The following TTN variants were observed in gnomAD, a reference collection of about 807,000 sequenced individuals.
TTN encodes the protein connectin.
A neutral mutation model predicts 3,223.0 loss-of-function variants in TTN; 1,525 were observed. The ratio of observed to expected loss-of-function variants is 0.47; its 90% CI spans 0.45 to 0.49. The LOEUF is 0.49. TTN is among the 20% of genes least tolerant of loss of function. TTN has a pLI of 0.00. For synonymous variants in TTN, 14,094 were observed against 15,161.0 expected (o/e 0.93, Z 5.17); for missense variants, 40,786 against 43,424.0 (o/e 0.94, Z 5.40).
At chr2:178,625,194 C>G in intron 241 of TTN, 79 bp downstream of exon 241, 1 of 1,498,590 alleles carries the variant, frequency 6.7e-7, no homozygotes, top group Non-Finnish European at 9.0e-7. Flanking sequence ...TAGTACTCAT[C>G]ATATAAAGAT....
rs767363142 is a variant in TTN at position 178,580,079 on chromosome 2, G to A, written c.67208C>T (p.Thr22403Ile). 17 of 1,613,320 alleles carry A rather than the reference G, an allele frequency of 1.1e-5. 1 individual carries two copies. In the Admixed American group the frequency reaches 2.7e-4, roughly 25 times the overall value. Residue 22403 changes from threonine to isoleucine, a missense_variant, in exon 318 of 363, where the codon ACA becomes ATA. Thr to Ile is a moderately conservative substitution (Grantham distance 89). Transcript: ENST00000589042. ...KRDAERKSWS[T>I]VTTECSKTSF... ...TGTTTTGGAGCACTCAGTTGTCACT[G>A]TAGACCAGGATTTCCTCTCTGCATC... is the stretch of plus-strand genomic sequence containing the variant.
intron 221 of TTN, 98 bp downstream of exon 221, chr2:178,640,443 A>T: frequency 1.8e-6 from 2 of 1,108,038 alleles, no homozygotes; most frequent in Admixed American, 2.1e-5. Flanking sequence ...TTAACAGATT[A>T]AGGTCATGTG....
Position 178,532,028 on chromosome 2 carries a change from G to A in TTN, c.104587C>T (p.Gln34863Ter). Residue 34863 changes from glutamine to a stop codon, truncating the protein, a stop_gained, in exon 358 of 363, where the codon CAA becomes TAA. Transcript: ENST00000589042. LOFTEE classifies it high-confidence loss of function. ...TCATCTTCGTATTCCTCAGCCGGTT[G>A]TGGACGTGACCGGATCAGCTCAGAC... Reference protein sequence around the residue: ...PVSELIRSRPQPAEEYEDDTE... With the variant: ...PVSELIRSRP 6.2e-7 allele frequency: 1 copy of A among 1,613,928 alleles called. No individual in the cohort carries two copies. Among genetic ancestry groups the A allele is most frequent in the South Asian group, 1.1e-5 (1 of 91,080 alleles).
In TTN at chr2:178,572,831, A is replaced by G. The variant is rs778199323; in HGVS notation, c.73301T>C (p.Leu24434Pro). The G allele has an allele frequency of 6.2e-7, 1 of 1,613,410 alleles. No individual in the cohort carries two copies. Among genetic ancestry groups the G allele is most frequent in the Non-Finnish European group, 8.5e-7 (1 of 1,179,566 alleles). ...LPPEIELDAD[L>P]RKVVTIRACC... ...GGCCCTTATAGTAACAACTTTGCGC[A>G]GGTCAGCATCCAGTTCAATTTCTGG... Residue 24434 changes from leucine to proline, a missense_variant, in exon 326 of 363, where the codon CTG becomes CCG. By Grantham distance (98) the Leu-to-Pro change is moderately conservative (BLOSUM62 -3). Coordinates refer to ENST00000589042, the MANE Select transcript of TTN (RefSeq NM_001267550.2).
Position 178,577,167 on chromosome 2 carries a change from T to C in TTN, c.69168A>G (p.Lys23056=). ...PVEISNVSAE[K]ATLTWTPPLE... ...AGGGAGGTGTCCATGTAAGTGTTGC[T>C]TTTTCAGCAGAAACATTACTGATTT... The change falls in exon 324 of 363, where the codon AAA becomes AAG. Residue 23056 remains lysine, a synonymous_variant. Transcript: ENST00000589042. 6.2e-7 allele frequency: 1 copy of C among 1,612,974 alleles called. No homozygotes were observed. The highest frequency in any genetic ancestry group is 8.5e-7 in the Non-Finnish European group (1 of 1,179,392).
Position 178,649,909 on chromosome 2 carries a change from A to C in TTN, c.39818-15T>G. 1 of 1,597,420 alleles carries C rather than the reference A, an allele frequency of 6.3e-7. No individual in the cohort carries two copies. The highest frequency in any genetic ancestry group is 8.5e-7 in the Non-Finnish European group (1 of 1,175,352). ...CTCTTCAGGCACTTGAATAATAGGA[A>C]TTTCTTTTAGAATTAGGTGATTACA... On this transcript the variant is annotated splice_polypyrimidine_tract_variant and intron_variant, in intron 210 of 362. Transcript: ENST00000589042.
At chr2:178,757,185 G>A (rs899768238) in intron 45 of TTN, among the ~76,000 whole-genome samples, 1 of 152,240 alleles carries the variant, frequency 6.6e-6, no homozygotes, top group African/African-American at 2.4e-5. Flanking sequence ...CTTACTTTAA[G>A]TACAGTAAGT....
rs750316803 is a variant in TTN, at chr2:178,728,200, T to A, written c.19624A>T (p.Asn6542Tyr). Residue 6542 changes from asparagine (N) to tyrosine (Y), a missense_variant, in exon 67 of 363, where the codon AAT becomes TAT. Transcript: ENST00000589042. ...HERSVSLEVN[N>Y]LELEDTANYT... Reference sequence around the variant, plus strand: ...TTTGCAGTATCTTCTAATTCCAGATTATTAACTTCCAGAGACACAGATCTC... The same window carrying A: ...TTTGCAGTATCTTCTAATTCCAGATAATTAACTTCCAGAGACACAGATCTC... 6.2e-7 allele frequency: 1 copy of A among 1,612,852 alleles called. No individual in the cohort carries two copies. The highest frequency in any genetic ancestry group is 2.2e-5 in the East Asian group (1 of 44,780).
At chr2:178,599,096 T>TA (rs748820716) in intron 290 of TTN, 34 bp from the exon 291 acceptor site, 124 of 1,503,778 alleles carry the variant, frequency 8.2e-5, no homozygotes, top group South Asian at 2.4e-4. Context: ...ATAAGAAATT[T>TA]AAAAAAAAAG....
chr2:178,688,256 C>T (rs759585847), intron 126 of TTN, 32 bp from the exon 127 acceptor site: 1 of 1,590,884 alleles, frequency 6.3e-7, no homozygotes, highest in Non-Finnish European at 8.6e-7. Context: ...TTAAATTCAG[C>T]CTGCTGAGAT....
intron 89 of TTN, 25 bp downstream of exon 89, chr2:178,715,468 A>G: frequency 1.3e-6 from 2 of 1,587,296 alleles, no homozygotes; most frequent in African/African-American, 1.4e-5. Flanking sequence ...AATGTGAAAA[A>G]CACACAGGTG....
Position 178,741,789 on chromosome 2 carries a change from T to G in TTN, c.11444A>C (p.Lys3815Thr), listed in dbSNP as rs1184657184. Residue 3815 changes from lysine to threonine, a missense_variant, in exon 48 of 363, where the codon AAG becomes ACG. Physicochemically the swap from Lys to Thr is moderately conservative, Grantham distance 78. Transcript: ENST00000589042. ...PVYPTKFDSEKEGTGPIFIKE... is the reference protein window; with the variant it reads ...PVYPTKFDSETEGTGPIFIKE... ...GATGAAAATTGGGCCAGTGCCTTCC[T>G]TTTCGGAATCAAATTTAGTTGGGTA... The G allele has an allele frequency of 2.5e-6, 4 of 1,613,384 alleles. No individual in the cohort carries two copies. The highest frequency in any genetic ancestry group is 3.4e-6 in the Non-Finnish European group (4 of 1,179,634).
chr2:178,668,039 A>G (rs569044255), intron 159 of TTN, among the ~76,000 whole-genome samples: 1 of 152,294 alleles, frequency 6.6e-6, no homozygotes, highest in Admixed American at 6.5e-5. Context: ...GGATTTGTCT[A>G]TAAAGAACAG....
intron 263 of TTN, 90 bp downstream of exon 263, chr2:178,613,661 A>G: frequency 7.4e-7 from 1 of 1,349,718 alleles, no homozygotes. Flanking sequence ...TTTTAGTAAT[A>G]TATAATCATC....
chr2:178,684,394 T>C lies in TTN; in HGVS notation c.32658A>G (p.Gln10886=). The stretch of plus-strand genomic sequence containing the variant: ...CAAGAACTTTTTCTTCCTGGGTAAT[T>C]TGCATGTGCCTCTCAGTCACTTAAA... ...LPAKVTERHM[Q]ITQEEKVLVA... Residue 10886 remains glutamine, a synonymous_variant, in exon 132 of 363, where the codon CAA becomes CAG. Coordinates refer to ENST00000589042, the MANE Select transcript of TTN (RefSeq NM_001267550.2). The C allele has an allele frequency of 6.2e-7, 1 of 1,613,616 alleles. No individual in the cohort carries two copies. Among genetic ancestry groups the C allele is most frequent in the Admixed American group, 1.7e-5 (1 of 60,008 alleles).
At position 178,566,557 on chromosome 2, in the gene TTN, T is replaced by C. The variant is rs1357948357; in HGVS notation, c.79575A>G (p.Glu26525=). 1 of 1,613,212 alleles carries C rather than the reference T, an allele frequency of 6.2e-7. No individual in the cohort carries two copies. The highest frequency in any genetic ancestry group is 8.5e-7 in the Non-Finnish European group (1 of 1,179,690). Residue 26525 remains glutamate (E), a synonymous_variant, in exon 326 of 363, where the codon GAA becomes GAG. Coordinates refer to ENST00000589042, the MANE Select transcript of TTN (RefSeq NM_001267550.2). ...GGSEILGYVV[E]ICKADEEEWQ... is the part of the protein sequence containing the mutation. ...ATTCTTCTTCATCTGCTTTACAGAT[T>C]TCTACTACATATCCCAAGATCTCAC...
In TTN at chr2:178,599,361, T is replaced by C; in HGVS notation, c.56432A>G (p.Asp18811Gly). 6.2e-7 allele frequency: 1 copy of C among 1,603,364 alleles called. No homozygotes were observed. The highest frequency in any genetic ancestry group is 1.1e-5 in the South Asian group (1 of 88,348). The change falls in exon 290 of 363, where the codon GAT (aspartate) becomes GGT (glycine). Residue 18811 changes from aspartate to glycine, a missense_variant. By Grantham distance (94) the Asp-to-Gly change is moderately conservative. Coordinates refer to ENST00000589042, the MANE Select transcript of TTN (RefSeq NM_001267550.2). ...QMTLSWFPPK[D>G]DGGSKITNYV... ...GTTTGTAATCTTAGACCCACCATCATCTTTAGGTGGAAACCAAGATAGTGT... is the reference window on the plus strand; with the variant it reads ...GTTTGTAATCTTAGACCCACCATCACCTTTAGGTGGAAACCAAGATAGTGT...
At position 178,672,028 on chromosome 2, in the gene TTN, C is replaced by T; in HGVS notation, c.35170G>A (p.Glu11724Lys). 6.2e-7 allele frequency: 1 copy of T among 1,610,586 alleles called. No homozygotes were observed. The highest frequency in any genetic ancestry group is 8.5e-7 in the Non-Finnish European group (1 of 1,178,748). ...HRVEKVHRVI[E>K]VFEAEEVEVF... ...TCCACTTCTTCAGCCTCAAAAACTT[C>T]TATTACCCTATGAACTTTTTCAACT... Residue 11724 changes from glutamate to lysine, a missense_variant, in exon 155 of 363, where the codon GAA (glutamate) becomes AAA (lysine). Glu to Lys is a moderately conservative substitution (Grantham distance 56). Coordinates refer to ENST00000589042, the MANE Select transcript of TTN (RefSeq NM_001267550.2).
At chr2:178,618,919 T>G (rs1470898767) in intron 250 of TTN, 66 bp from the exon 251 acceptor site, 23 of 1,546,442 alleles carry the variant, frequency 1.5e-5, no homozygotes, top group Non-Finnish European at 1.7e-5. Context: ...ATCATGTTAT[T>G]ATGCATTTAT....
Sources: allele counts gnomAD v4.1 joint callset (sites outside exome capture counted in the v4.1 genomes callset), GRCh38; gene constraint gnomAD v4.1.1; transcripts MANE v1.5; gene names NCBI Gene and HGNC (gene_info 2026-07-23, HGNC 2026-07-21).